ZNF710: variants seen among roughly 807,000 people sequenced by gnomAD.
ZNF710 encodes zinc finger protein 710.
Under a neutral mutation model 50.6 loss-of-function variants are expected in ZNF710, and 13 were observed. That is an observed-to-expected ratio of 0.26 (90% CI 0.17 to 0.41). The LOEUF (loss-of-function observed/expected upper bound fraction) is 0.41. Ranked by LOEUF, ZNF710 falls within the 10% of genes least tolerant of loss-of-function variation. The pLI is 1.00. For missense variants in ZNF710, 721 were observed against 936.6 expected (o/e 0.77, Z 3.01); for synonymous variants, 383 against 397.0 (o/e 0.96, Z 0.42).
At chr15:90,078,953 T>C (rs2939846) in intron 4 of ZNF710, among the ~76,000 whole-genome samples, 66,492 of 152,080 alleles carry the variant, frequency 0.44, 14,922 homozygotes, top group East Asian at 0.68. Flanking sequence ...TATAAAATTA[T>C]AAGGGGCCTC....
chr15:90,045,501 C>T (rs939229447), intron 1 of ZNF710: 7 of 752,998 alleles, frequency 9.3e-6, no homozygotes, highest in African/African-American at 1.9e-5. Flanking sequence ...TGAGGGAGTC[C>T]ACTCAGGCCA....
intron 4 of ZNF710, 102 bp downstream of exon 4, chr15:90,074,392 G>A (rs1337145774): frequency 1.9e-6 from 3 of 1,574,024 alleles, no homozygotes; most frequent in Non-Finnish European, 2.6e-6. Flanking sequence ...GGCCAAGGCT[G>A]AGACTTCGTT....
rs181000891 is a variant in ZNF710, at chr15:90,033,588, C to T, written c.-29+31974C>T. Among the ~76,000 whole-genome samples the T allele has an allele frequency of 6.2e-4, 95 of 152,302 alleles. 2 individuals carry two copies. The highest frequency in any genetic ancestry group is 4.8e-3 in the Admixed American group (74 of 15,296). ...TTAGAGACAGGTTCTCACTCTGTTGCCCAGGCTGGAGTGCAGTGTCTGTTC... is the reference window on the plus strand; with the variant it reads ...TTAGAGACAGGTTCTCACTCTGTTGTCCAGGCTGGAGTGCAGTGTCTGTTC... On this transcript the variant is annotated intron_variant, in intron 1 of 4. Transcript: ENST00000268154.
Position 90,067,011 on chromosome 15 carries a change from A to G in ZNF710, c.-28-99A>G. ...GGAGTAGAAAAGACATCAGAGCCAG[A>G]CACACCCAAAATCAGCCAAGCCCTT... On this transcript the variant is annotated intron_variant, in intron 1 of 4. Coordinates refer to ENST00000268154, the MANE Select transcript of ZNF710 (RefSeq NM_198526.4). The surrounding 1 kb of genome is among the most constrained non-coding windows in gnomAD (Gnocchi z 8.1). The G allele has an allele frequency of 7.4e-7, 1 of 1,358,720 alleles. No individual in the cohort carries two copies. Among genetic ancestry groups the G allele is most frequent in the Admixed American group, 2.7e-5 (1 of 36,664 alleles). The allele number at this position is 1,358,720 out of a possible 1,614,324, so 84.2% of individuals were successfully genotyped here.
Position 90,067,187 on chromosome 15 carries a change from T to C in ZNF710, c.50T>C (p.Leu17Pro). The change falls in exon 2 of 5, where the codon CTG (leucine) becomes CCG (proline). Residue 17 changes from leucine to proline, a missense_variant. Physicochemically the swap from Leu to Pro is moderately conservative, Grantham distance 98. This residue lies in a region of ZNF710 where 326 missense variants were observed against 347.1 expected (regional missense o/e 0.94). Transcript: ENST00000268154. This position sits in a 1 kb window ranked among gnomAD's most constrained non-coding sequence, Gnocchi z 8.1. ...ACACAGACGGACGCCGTGGTGGTGC[T>C]GTCCTTGGCTCAGGCCGCCGTGCTT... The part of the protein sequence containing the change: ...SGTQTDAVVV[L>P]SLAQAAVLGL... 6.2e-7 allele frequency: 1 copy of C among 1,613,174 alleles called. No individual in the cohort carries two copies. The highest frequency in any genetic ancestry group is 8.5e-7 in the Non-Finnish European group (1 of 1,179,460).
intron 1 of ZNF710, among the ~76,000 whole-genome samples, chr15:90,053,024 G>A (rs1179689481): frequency 6.6e-6 from 1 of 152,260 alleles, no homozygotes; most frequent in Non-Finnish European, 1.5e-5. Context: ...TATGAGCTCA[G>A]TAAATGATGG....
chr15:90,072,822 G>T (rs1371385428), intron 2 of ZNF710, among the ~76,000 whole-genome samples: 2 of 152,182 alleles, frequency 1.3e-5, no homozygotes, highest in East Asian at 3.8e-4. Context: ...CAGGTATCTG[G>T]ATCGTTACAG....
chr15:90,037,556 ACT>A (rs1899166622), intron 1 of ZNF710, among the ~76,000 whole-genome samples: 1 of 152,150 alleles, frequency 6.6e-6, no homozygotes, highest in Admixed American at 6.5e-5. Context: ...GAGTACCACC[ACT>A]GGTGGTACTC....
chr15:90,077,344 C>A (rs940088111), intron 4 of ZNF710, among the ~76,000 whole-genome samples: 1 of 150,770 alleles, frequency 6.6e-6, no homozygotes, highest in African/African-American at 2.4e-5. Context: ...CCTGGGTTCA[C>A]GCCATTCTCC....
chr15:90,078,006 A>C, intron 4 of ZNF710, among the ~76,000 whole-genome samples: 1 of 152,170 alleles, frequency 6.6e-6, no homozygotes, highest in South Asian at 2.1e-4. Context: ...TTGGGAGTTC[A>C]AGACCAGCCT....
At chr15:90,005,744 G>A (rs568367409) in intron 1 of ZNF710, among the ~76,000 whole-genome samples, 1 of 152,202 alleles carries the variant, frequency 6.6e-6, no homozygotes, top group African/African-American at 2.4e-5. Context: ...CACTGCACCC[G>A]GCCTAAAACA....
intron 1 of ZNF710, among the ~76,000 whole-genome samples, chr15:90,011,026 G>T (rs1043802420): frequency 1.3e-5 from 2 of 148,930 alleles, no homozygotes; most frequent in Non-Finnish European, 3.0e-5. Flanking sequence ...TGCCTCCTGG[G>T]TTCAAGTAAT....
intron 1 of ZNF710, among the ~76,000 whole-genome samples, chr15:90,020,488 GCC>G (rs34774479): frequency 1.9e-4 from 8 of 42,238 alleles, no homozygotes; most frequent in Non-Finnish European, 6.0e-4. Context: ...CTGCCTCCCC[GCC>G]CCCGGGGAGA....
At chr15:90,006,779 G>C (rs775051847) in intron 1 of ZNF710, 4 of 154,846 alleles carry the variant, frequency 2.6e-5, no homozygotes, top group African/African-American at 9.6e-5. Context: ...AGTTAGAGAT[G>C]CAGAGCCCTG....
At chr15:90,070,264 G>T (rs1251928468) in intron 2 of ZNF710, among the ~76,000 whole-genome samples, 1 of 151,728 alleles carries the variant, frequency 6.6e-6, no homozygotes, top group Non-Finnish European at 1.5e-5. Flanking sequence ...GGAGGCTGAG[G>T]TGGGAAGTTT....
intron 2 of ZNF710, among the ~76,000 whole-genome samples, chr15:90,071,386 A>T (rs181734961): frequency 2.9e-4 from 44 of 152,278 alleles, no homozygotes; most frequent in Non-Finnish European, 5.3e-4. Context: ...TACAATGTGC[A>T]CATCATGTGT....
intron 4 of ZNF710, chr15:90,074,911 T>G (rs1900540474): frequency 4.3e-6 from 1 of 234,800 alleles, no homozygotes; most frequent in Admixed American, 5.3e-5. Context: ...TCTTCACAAG[T>G]GCCTGCCAGA....
chr15:90,006,536 T>C (rs1898144930), intron 1 of ZNF710, among the ~76,000 whole-genome samples: 1 of 152,154 alleles, frequency 6.6e-6, no homozygotes, highest in Non-Finnish European at 1.5e-5. Flanking sequence ...ATTACACAAA[T>C]ACTCTTTAAT....
chr15:90,061,387 G>A (rs1900003649), intron 1 of ZNF710, among the ~76,000 whole-genome samples: 1 of 151,930 alleles, frequency 6.6e-6, no homozygotes, highest in African/African-American at 2.4e-5. Flanking sequence ...ACCCAGGCTG[G>A]TCACAAACTC....
Sources: gnomAD v4.1 joint callset for allele counts (sites outside exome capture counted in the v4.1 genomes callset) on GRCh38, gnomAD v4.1.1 for gene constraint, gnomAD v4.1.1 regional missense constraint, Gnocchi (gnomAD v3.1) non-coding constraint, MANE v1.5 for transcripts, NCBI Gene and HGNC (gene_info 2026-07-23, HGNC 2026-07-21) for gene names.